Variants in IL19 observed in about 807,000 individuals in gnomAD.
IL19 encodes the protein interleukin-19.
IL19 carries 15 observed loss-of-function variants against 19.5 expected under a neutral mutation model. The ratio of observed to expected loss-of-function variants is 0.77; its 90% confidence interval spans 0.52 to 1.19. The LOEUF (loss-of-function observed/expected upper bound fraction) is 1.19. Among genes scored for constraint, IL19 ranks in the 50% most tolerant of loss-of-function variants. The pLI, the probability that IL19 is intolerant of heterozygous loss-of-function variation, is 0.00. For missense variants in IL19, 199 were observed against 213.1 expected, an observed-to-expected ratio of 0.93 and a Z score of 0.41; for synonymous variants, 78 against 78.3, an observed-to-expected ratio of 1.00 and a Z score of 0.02.
intron 6 of IL19, 134 bp from the exon 7 acceptor site, chr1:206,842,393 T>C: frequency 1.7e-6 from 1 of 588,158 alleles, no homozygotes; most frequent in Non-Finnish European, 3.0e-6. Flanking sequence ...GTCTGTATGT[T>C]ATGCAAATAT....
chr1:206,784,365 C>A (rs1401433995), intron 1 of IL19, among the ~76,000 whole-genome samples: 1 of 152,168 alleles, frequency 6.6e-6, no homozygotes, highest in African/African-American at 2.4e-5. Context: ...GGTTCTGATA[C>A]ATATTTTCCT....
chr1:206,842,615 C>A lies in IL19; in HGVS notation c.527C>A (p.Ser176Ter). The A allele has an allele frequency of 6.5e-7, 1 of 1,543,178 alleles. No individual in the cohort carries two copies. The highest frequency in any genetic ancestry group is 8.8e-7 in the Non-Finnish European group (1 of 1,133,746). ...AATAAGAATCATGAAGTAATGTTCT[C>A]AGCTTGATGACAAGGAACCTGTATA... is the stretch of plus-strand genomic sequence containing the variant. The part of the protein sequence containing the change: ...WINKNHEVMF[S>*]A Residue 176 changes from serine to a stop codon, truncating the protein, a stop_gained, in exon 7 of 7, where the codon TCA (serine) becomes TAA (stop). Coordinates refer to ENST00000659997, the MANE Select transcript of IL19 (RefSeq NM_153758.5). LOFTEE classifies it high-confidence loss of function.
intron 2 of IL19, among the ~76,000 whole-genome samples, chr1:206,825,493 C>A (rs1416039516): frequency 1.3e-5 from 2 of 152,334 alleles, no homozygotes; most frequent in South Asian, 2.1e-4. Flanking sequence ...AACTTAGGTG[C>A]AAACCCTAGA....
At position 206,806,747 on chromosome 1, in the gene IL19, G is replaced by T. The variant is rs150471661; in HGVS notation, c.-3+7741G>T. On this transcript the variant is annotated intron_variant, in intron 2 of 6. Coordinates refer to ENST00000659997, the MANE Select transcript of IL19 (RefSeq NM_153758.5). Reference sequence around the variant, plus strand: ...CCCTTTCCACTATCAATCTGGTATCGTGTTAGTCCAAGTCAATATCATATT... The same window carrying T: ...CCCTTTCCACTATCAATCTGGTATCTTGTTAGTCCAAGTCAATATCATATT... Among the ~76,000 whole-genome samples, 845 of 152,160 alleles carry T rather than the reference G, an allele frequency of 5.6e-3. 10 individuals are homozygous for T. Among genetic ancestry groups the T allele is most frequent in the African/African-American group, 0.019 (793 of 41,508 alleles).
At position 206,798,924 on chromosome 1, in the gene IL19, A is replaced by T. The variant is rs767460276; in HGVS notation, c.-85A>T. On this transcript the variant is annotated 5_prime_UTR_variant, in exon 2 of 7. Transcript: ENST00000659997. Reference sequence around the variant, plus strand: ...GCACTGAGGGAGCGTTTCCGCACAGATCTGCGTGTTCCTTACCACTCACAC... The same window carrying T: ...GCACTGAGGGAGCGTTTCCGCACAGTTCTGCGTGTTCCTTACCACTCACAC... 3.7e-6 allele frequency: 6 copies of T among 1,613,646 alleles called. No individual in the cohort carries two copies. In the African/African-American group the frequency reaches 8.0e-5, roughly 22 times the overall value.
intron 2 of IL19, among the ~76,000 whole-genome samples, chr1:206,820,906 G>A (rs1265499421): frequency 1.3e-5 from 2 of 152,148 alleles, no homozygotes; most frequent in Non-Finnish European, 2.9e-5. Context: ...CAGTGTGCCT[G>A]TCCTTTTCCA....
intron 2 of IL19, among the ~76,000 whole-genome samples, chr1:206,804,564 C>A (rs11119596): frequency 0.02 from 3,042 of 152,186 alleles, 96 homozygotes; most frequent in African/African-American, 0.069. Flanking sequence ...AAGCAACAAG[C>A]TTTTATTGGT....
At chr1:206,807,227 T>C (rs1675870919) in intron 2 of IL19, among the ~76,000 whole-genome samples, 1 of 152,182 alleles carries the variant, frequency 6.6e-6, no homozygotes, top group South Asian at 2.1e-4. Context: ...TCCCATGACA[T>C]GTGGGAATTA....
chr1:206,842,115 A>T (rs781359909), intron 6 of IL19, among the ~76,000 whole-genome samples: 6 of 152,164 alleles, frequency 3.9e-5, no homozygotes, highest in Non-Finnish European at 2.9e-5. Flanking sequence ...TCAAATGAGG[A>T]CAACATGCTC....
intron 2 of IL19, among the ~76,000 whole-genome samples, chr1:206,821,865 C>T (rs1021101299): frequency 2.6e-5 from 4 of 152,228 alleles, no homozygotes; most frequent in African/African-American, 7.2e-5. Flanking sequence ...AATGAAAACT[C>T]CTCACACTTT....
chr1:206,837,618 G>C lies in IL19; in HGVS notation c.210+595G>C, dbSNP rs568164120. Among the ~76,000 whole-genome samples, 8 of 112,794 alleles carry C rather than the reference G, an allele frequency of 7.1e-5. No individual in the cohort carries two copies. The South Asian group carries it at 2.6e-3, about 36-fold the overall frequency. The allele number at this position is 112,794 out of a possible 152,430, so 74.0% of individuals were successfully genotyped here. ...AATTTCAGCATTTTGGGAGGCTGAG[G>C]CTGGTAGGATTGCTTGAGATCGGGG... is the stretch of plus-strand genomic sequence containing the variant. On this transcript the variant is annotated intron_variant, in intron 4 of 6. Transcript: ENST00000659997.
At chr1:206,809,873 G>T (rs1675954889) in intron 2 of IL19, among the ~76,000 whole-genome samples, 1 of 152,218 alleles carries the variant, frequency 6.6e-6, no homozygotes, top group Non-Finnish European at 1.5e-5. Flanking sequence ...ATTGCATGTT[G>T]CAGCTCAGCA....
chr1:206,789,109 C>T (rs1675334679), intron 1 of IL19, among the ~76,000 whole-genome samples: 1 of 152,188 alleles, frequency 6.6e-6, no homozygotes, highest in African/African-American at 2.4e-5. Context: ...TTTCAAGGAA[C>T]AGCTGTAGGG....
intron 2 of IL19, among the ~76,000 whole-genome samples, chr1:206,825,825 C>A (rs530838129): frequency 6.6e-6 from 1 of 152,228 alleles, no homozygotes; most frequent in Non-Finnish European, 1.5e-5. Context: ...GGTCTCATTC[C>A]CTGTCATTCC....
chr1:206,836,887 A>G, intron 3 of IL19, 71 bp from the exon 4 acceptor site: 1 of 1,604,922 alleles, frequency 6.2e-7, no homozygotes, highest in South Asian at 1.1e-5. Context: ...GTTCCTTCTC[A>G]TTGCCTTTTG....
intron 1 of IL19, among the ~76,000 whole-genome samples, chr1:206,781,592 C>T (rs1205817557): frequency 6.6e-6 from 1 of 151,672 alleles, no homozygotes; most frequent in East Asian, 1.9e-4. Context: ...GGATGCACAG[C>T]TGCATCACAC....
chr1:206,788,357 A>G (rs964751441), intron 1 of IL19, among the ~76,000 whole-genome samples: 3 of 152,198 alleles, frequency 2.0e-5, no homozygotes, highest in African/African-American at 7.2e-5. Flanking sequence ...ACTATATACA[A>G]GACACTTCAT....
intron 2 of IL19, among the ~76,000 whole-genome samples, chr1:206,809,129 G>GGGGCT (rs1675935494): frequency 6.6e-6 from 1 of 152,162 alleles, no homozygotes; most frequent in African/African-American, 2.4e-5. Context: ...TGCCCCCACT[G>GGGGCT]CTTCACCTAG....
At chr1:206,834,157 C>A in intron 2 of IL19, 3 of 985,464 alleles carry the variant, frequency 3.0e-6, no homozygotes, top group Non-Finnish European at 3.6e-6. Flanking sequence ...TGTCAAGACC[C>A]AGAAGAAAGA....
Sources: allele counts gnomAD v4.1 joint callset (sites outside exome capture counted in the v4.1 genomes callset), GRCh38; gene constraint gnomAD v4.1.1; transcripts MANE v1.5; gene names NCBI Gene and HGNC (gene_info 2026-07-23, HGNC 2026-07-21).